The following TRAK1 variants were observed in gnomAD, a reference collection of about 807,000 sequenced individuals.
TRAK1 encodes the protein trafficking kinesin protein 1.
A neutral mutation model predicts 92.1 loss-of-function variants in TRAK1; 33 were observed. The ratio of observed to expected loss-of-function variants is 0.36; its 90% CI spans 0.27 to 0.48. The LOEUF is 0.48. TRAK1 is among the 20% of genes least tolerant of loss of function. The pLI is 0.99. For synonymous variants in TRAK1, 521 were observed against 517.3 expected, an observed-to-expected ratio of 1.01 and a Z score of -0.10; for missense variants, 1,123 against 1,257.9, an observed-to-expected ratio of 0.89 and a Z score of 1.62.
At position 42,212,266 on chromosome 3, in the gene TRAK1, G is replaced by T. The variant is rs181725837; in HGVS notation, c.1963+2281G>T. The T allele has an allele frequency of 1.0e-5, 10 of 985,234 alleles. No homozygotes were observed. The African/African-American group carries it at 1.6e-4, about 16-fold the overall frequency. 61.0% of individuals were successfully genotyped at this position (985,234 alleles called of 1,614,324 possible). ...TGGTCTGGTCCCTGCCTTTTAATCC[G>T]TCCTCTACGCTTGGGCTTTTCTGTT... is the stretch of plus-strand genomic sequence containing the variant. On this transcript the variant is annotated intron_variant, in intron 14 of 15. Coordinates refer to ENST00000327628, the MANE Select transcript of TRAK1 (RefSeq NM_001042646.3).
At chr3:42,137,751 T>C (rs1172734398) in intron 2 of TRAK1, among the ~76,000 whole-genome samples, 1 of 152,194 alleles carries the variant, frequency 6.6e-6, no homozygotes, top group East Asian at 1.9e-4. Context: ...GAAGCTTTTC[T>C]TCTTCCAAGT....
At position 42,125,548 on chromosome 3, in the gene TRAK1, C is replaced by T; in HGVS notation, c.220C>T (p.Leu74Phe). ...CCACGACGACTGGCTCCATACACCT[C>T]TCATTTCTCCAGATGCCAACATTGA... ...YDHDDWLHTP[L>F]ISPDANIDLT... The change falls in exon 2 of 16, where the codon CTC becomes TTC. Residue 74 changes from leucine (L) to phenylalanine (F), a missense_variant. Leu to Phe is a conservative substitution (Grantham distance 22). This residue lies in a region of TRAK1 where 686 missense variants were observed against 747.6 expected (regional missense o/e 0.92). Coordinates refer to ENST00000327628, the MANE Select transcript of TRAK1 (RefSeq NM_001042646.3). The T allele has an allele frequency of 6.2e-7, 1 of 1,614,252 alleles. No homozygotes were observed. Among genetic ancestry groups the T allele is most frequent in the Non-Finnish European group, 8.5e-7 (1 of 1,180,046 alleles).
At chr3:42,052,424 C>A (rs143698443) in intron 1 of TRAK1, among the ~76,000 whole-genome samples, 10 of 152,272 alleles carry the variant, frequency 6.6e-5, no homozygotes, top group Non-Finnish European at 1.5e-4. Flanking sequence ...AAAAGTCAGT[C>A]CTTCTGGGTT....
chr3:42,162,521 TA>T (rs1021502990), intron 2 of TRAK1, among the ~76,000 whole-genome samples: 67 of 152,128 alleles, frequency 4.4e-4, no homozygotes, highest in African/African-American at 1.6e-3. Context: ...CATTTTCTAA[TA>T]GGGGGATACG....
intron 1 of TRAK1, among the ~76,000 whole-genome samples, chr3:42,111,526 G>T (rs1708404997): frequency 6.6e-6 from 1 of 151,914 alleles, no homozygotes; most frequent in Non-Finnish European, 1.5e-5. Context: ...CTCCCGAGTA[G>T]CTGGGACTAC....
intron 1 of TRAK1, among the ~76,000 whole-genome samples, chr3:42,069,498 G>T (rs922819731): frequency 6.6e-6 from 1 of 152,094 alleles, no homozygotes; most frequent in Non-Finnish European, 1.5e-5. Context: ...TGGTCTGCCT[G>T]TGAAGATGAA....
At position 42,209,879 on chromosome 3, in the gene TRAK1, G is replaced by C. The variant is rs769910082; in HGVS notation, c.1857G>C (p.Leu619=). ...GCTTCCGGACGCTGGATGTTGACCT[G>C]GACGAAGTGTACTGCCTTAACGACT... The part of the protein sequence containing the change: ...TKGFRTLDVD[L]DEVYCLNDFE... The change falls in exon 14 of 16, where the codon CTG becomes CTC. Residue 619 remains leucine, a synonymous_variant. Coordinates refer to ENST00000327628, the MANE Select transcript of TRAK1 (RefSeq NM_001042646.3). 1 of 1,614,206 alleles carries C rather than the reference G, an allele frequency of 6.2e-7. No individual in the cohort carries two copies. The highest frequency in any genetic ancestry group is 2.2e-5 in the East Asian group (1 of 44,876).
intron 1 of TRAK1, among the ~76,000 whole-genome samples, chr3:42,027,448 G>A (rs962179000): frequency 3.9e-5 from 6 of 151,916 alleles, no homozygotes; most frequent in African/African-American, 1.5e-4. Context: ...GCGTTAACCC[G>A]GGAGGTGGAG....
chr3:42,052,345 G>A (rs1703016798), intron 1 of TRAK1, among the ~76,000 whole-genome samples: 1 of 152,196 alleles, frequency 6.6e-6, no homozygotes, highest in Non-Finnish European at 1.5e-5. Context: ...CCAGCAATCT[G>A]TGTTCTAACA....
upstream of TRAK1, among the ~76,000 whole-genome samples, chr3:42,087,626 CT>C (rs1189616355): frequency 6.6e-6 from 1 of 152,200 alleles, no homozygotes; most frequent in African/African-American, 2.4e-5. Context: ...ACTATCCTGA[CT>C]GAGAGGTAGA....
At chr3:42,038,037 A>G (rs1702389072) in intron 1 of TRAK1, among the ~76,000 whole-genome samples, 1 of 152,170 alleles carries the variant, frequency 6.6e-6, no homozygotes, top group Non-Finnish European at 1.5e-5. Context: ...GAGGTCATTC[A>G]AAGGGATGCT....
intron 2 of TRAK1, among the ~76,000 whole-genome samples, chr3:42,125,919 C>T (rs1358966972): frequency 2.0e-5 from 3 of 151,344 alleles, no homozygotes; most frequent in Non-Finnish European, 2.9e-5. Flanking sequence ...GGTGTGATCT[C>T]GGCTCACTAC....
intron 4 of TRAK1, among the ~76,000 whole-genome samples, chr3:42,187,040 A>C (rs957681835): frequency 2.0e-5 from 3 of 152,350 alleles, no homozygotes; most frequent in Non-Finnish European, 4.4e-5. Context: ...AAACTTTTAC[A>C]GTCCAACTTT....
intron 1 of TRAK1, among the ~76,000 whole-genome samples, chr3:42,110,412 G>A (rs922810853): frequency 1.3e-4 from 19 of 151,910 alleles, no homozygotes; most frequent in African/African-American, 4.6e-4. Flanking sequence ...GCAAGGCTGA[G>A]GTGCTCCTCT....
At chr3:42,213,959 C>T (rs1412625087) in intron 14 of TRAK1, among the ~76,000 whole-genome samples, 1 of 152,170 alleles carries the variant, frequency 6.6e-6, no homozygotes, top group East Asian at 1.9e-4. Flanking sequence ...AAGCCCTGTG[C>T]TCTGCCGTCA....
At chr3:42,209,720 C>G in intron 13 of TRAK1, 47 bp from the exon 14 acceptor site, 1 of 1,571,556 alleles carries the variant, frequency 6.4e-7, no homozygotes, top group Non-Finnish European at 8.7e-7. Context: ...CCATCCTAAC[C>G]CTCTCTTCTC....
upstream of TRAK1, among the ~76,000 whole-genome samples, chr3:42,083,526 A>G (rs146235095): frequency 2.6e-5 from 4 of 152,258 alleles, no homozygotes; most frequent in East Asian, 5.8e-4. Flanking sequence ...GTTTTTGTGT[A>G]TAACAGTAGC....
Position 42,224,200 on chromosome 3 carries a change from T to C in TRAK1, c.*463T>C. The C allele has an allele frequency of 7.2e-6, 3 of 416,988 alleles. No homozygotes were observed. Among genetic ancestry groups the C allele is most frequent in the South Asian group, 5.3e-5 (3 of 56,928 alleles). The allele number at this position is 416,988 out of a possible 1,614,324, so 25.8% of individuals were successfully genotyped here. A position where few individuals can be genotyped will look rare whatever the true frequency, so the allele number is the denominator to read the frequency against. On this transcript the variant is annotated 3_prime_UTR_variant, in exon 16 of 16. Transcript: ENST00000327628. ...CGGACACCTCACCTCGCCCACCCTGTAGGAGCGTAAGGAGCCTCCATCCTC... is the reference window on the plus strand; with the variant it reads ...CGGACACCTCACCTCGCCCACCCTGCAGGAGCGTAAGGAGCCTCCATCCTC...
At chr3:42,062,156 A>G (rs193090176) in intron 1 of TRAK1, among the ~76,000 whole-genome samples, 101 of 152,340 alleles carry the variant, frequency 6.6e-4, no homozygotes, top group African/African-American at 2.4e-3. Context: ...ACCTTCTAAC[A>G]TGTCCACTTT....
Sources: allele counts gnomAD v4.1 joint callset (sites outside exome capture counted in the v4.1 genomes callset), GRCh38; gene constraint gnomAD v4.1.1; regional missense constraint gnomAD v4.1.1; transcripts MANE v1.5; gene names NCBI Gene and HGNC (gene_info 2026-07-23, HGNC 2026-07-21).